Variants in TRABD2B observed in about 807,000 individuals in gnomAD.
TRABD2B encodes the protein TraB domain containing 2B, also known as metalloprotease TIKI2.
In TRABD2B, 14 loss-of-function variants were observed where a neutral mutation model predicts 40.1. That is an observed-to-expected ratio of 0.35 (90% CI 0.23 to 0.55). The LOEUF is 0.55. TRABD2B is among the 20% of genes least tolerant of loss of function. TRABD2B has a pLI of 0.90. For synonymous variants in TRABD2B, 263 were observed against 277.0 expected, an observed-to-expected ratio of 0.95 and a Z score of 0.50; for missense variants, 541 against 648.6, an observed-to-expected ratio of 0.83 and a Z score of 1.80.
chr1:47,780,081 C>T (rs1031360570), intron 4 of TRABD2B, among the ~76,000 whole-genome samples: 7 of 152,160 alleles, frequency 4.6e-5, no homozygotes, highest in African/African-American at 1.4e-4. Context: ...GCTGACCATG[C>T]CCTGCCAGAG....
At chr1:47,766,939 G>A (rs891883518) in intron 6 of TRABD2B, among the ~76,000 whole-genome samples, 7 of 152,222 alleles carry the variant, frequency 4.6e-5, no homozygotes, top group Non-Finnish European at 7.3e-5. Flanking sequence ...CAGGGCAGGA[G>A]CCAACTGGAA....
intron 4 of TRABD2B, among the ~76,000 whole-genome samples, chr1:47,789,627 A>T (rs918232121): frequency 2.0e-5 from 3 of 152,104 alleles, no homozygotes; most frequent in African/African-American, 7.2e-5. Flanking sequence ...TCCTCTGTGG[A>T]TGACTTCACC....
chr1:47,829,784 C>G (rs1429338829), intron 2 of TRABD2B, among the ~76,000 whole-genome samples: 1 of 152,194 alleles, frequency 6.6e-6, no homozygotes, highest in African/African-American at 2.4e-5. Flanking sequence ...AAAAATATTA[C>G]CAACCACAAA....
Position 47,994,127 on chromosome 1 carries a change from G to A in TRABD2B, c.573C>T (p.Ala191=), listed in dbSNP as rs1646052690. 2.0e-6 allele frequency: 3 copies of A among 1,536,276 alleles called. No individual in the cohort carries two copies. The highest frequency in any genetic ancestry group is 1.4e-5 in the African/African-American group (1 of 73,182). ...RGVPVLDLYL[A]QQAEKMKKTT... is the part of the protein sequence containing the mutation. ...TCTTCTTCATCTTCTCAGCCTGCTG[G>A]GCCAGGTAGAGGTCGAGCACGGGCA... Residue 191 remains alanine (A), a synonymous_variant, in exon 2 of 7, where the codon GCC becomes GCT. Coordinates refer to ENST00000606738, the MANE Select transcript of TRABD2B (RefSeq NM_001194986.2). The surrounding 1 kb of genome is among the most constrained non-coding windows in gnomAD (Gnocchi z 6.7).
intron 2 of TRABD2B, among the ~76,000 whole-genome samples, chr1:47,965,711 C>T (rs887445660): frequency 2.6e-5 from 4 of 152,202 alleles, no homozygotes; most frequent in African/African-American, 9.6e-5. Context: ...TCCTTCATGA[C>T]ACCATGTGAT....
At chr1:47,905,191 T>C (rs536599269) in intron 2 of TRABD2B, among the ~76,000 whole-genome samples, 1 of 152,362 alleles carries the variant, frequency 6.6e-6, no homozygotes, top group Non-Finnish European at 1.5e-5. Flanking sequence ...AACACATGTA[T>C]AAGCATCTGG....
At chr1:47,965,327 G>A (rs1645587120) in intron 2 of TRABD2B, among the ~76,000 whole-genome samples, 1 of 150,592 alleles carries the variant, frequency 6.6e-6, no homozygotes, top group South Asian at 2.1e-4. Context: ...GCGACAGGGT[G>A]TCTGGCAAGG....
chr1:47,982,621 T>C (rs1174876854), intron 2 of TRABD2B, among the ~76,000 whole-genome samples: 1 of 152,188 alleles, frequency 6.6e-6, no homozygotes, highest in Non-Finnish European at 1.5e-5. Context: ...TTCAGGATTG[T>C]TTTAGAAATT....
chr1:47,810,145 T>TGTGA (rs1201532331), intron 2 of TRABD2B, among the ~76,000 whole-genome samples: 2 of 128,952 alleles, frequency 1.6e-5, no homozygotes, highest in East Asian at 2.4e-4. Context: ...AGGGTGTGTG[T>TGTGA]GTGTGTGTGC....
intron 2 of TRABD2B, among the ~76,000 whole-genome samples, chr1:47,836,357 G>A (rs1645318309): frequency 1.3e-5 from 2 of 152,214 alleles, no homozygotes; most frequent in Non-Finnish European, 2.9e-5. Context: ...GTGGACTGTG[G>A]GAGGCCACCC....
intron 2 of TRABD2B, among the ~76,000 whole-genome samples, chr1:47,900,326 G>A (rs1288331486): frequency 6.6e-6 from 1 of 152,182 alleles, no homozygotes; most frequent in South Asian, 2.1e-4. Flanking sequence ...CACGACTTCA[G>A]GAGAGAGTGC....
intron 2 of TRABD2B, among the ~76,000 whole-genome samples, chr1:47,866,309 G>A (rs1012733646): frequency 2.6e-5 from 4 of 152,128 alleles, no homozygotes; most frequent in African/African-American, 9.7e-5. Context: ...TTCAGGGCTG[G>A]CTAAGACAGT....
chr1:47,900,228 G>A (rs1439039812), intron 2 of TRABD2B, among the ~76,000 whole-genome samples: 1 of 152,072 alleles, frequency 6.6e-6, no homozygotes, highest in Non-Finnish European at 1.5e-5. Context: ...TGGAAGATTG[G>A]GCTGGAGAGG....
rs114103142 is a variant in TRABD2B, at chr1:47,773,275, G to T, written c.1349+1895C>A. 3.8e-3 allele frequency among the ~76,000 whole-genome samples: 578 copies of T among 152,192 alleles called. 4 individuals are homozygous for T. The highest frequency in any genetic ancestry group is 0.013 in the African/African-American group (548 of 41,426). On this transcript the variant is annotated intron_variant, in intron 6 of 6. Coordinates refer to ENST00000606738, the MANE Select transcript of TRABD2B (RefSeq NM_001194986.2). ...CTTGCAAACCCTCCCTGCCACTGACGAAAGTGGCTCTCAGTAACTCTATGC... is the reference window on the plus strand; with the variant it reads ...CTTGCAAACCCTCCCTGCCACTGACTAAAGTGGCTCTCAGTAACTCTATGC...
rs547973724 is a variant in TRABD2B at position 47,777,433 on chromosome 1, G to A, written c.1079+1021C>T. Among the ~76,000 whole-genome samples, 12 of 152,272 alleles carry A rather than the reference G, an allele frequency of 7.9e-5. No homozygotes were observed. The South Asian group carries it at 1.2e-3, about 16-fold the overall frequency. On this transcript the variant is annotated intron_variant, in intron 5 of 6. Transcript: ENST00000606738. ...TGAAGTCCCAATGTGAGGGTTTATC[G>A]AGACCTCAGTTCACCCTCAGAGCTG...
At chr1:47,982,991 C>G (rs1468460629) in intron 2 of TRABD2B, among the ~76,000 whole-genome samples, 1 of 152,130 alleles carries the variant, frequency 6.6e-6, no homozygotes, top group Non-Finnish European at 1.5e-5. Context: ...CTGTCTATAC[C>G]CAGAGGACTA....
chr1:47,890,235 G>C (rs1254514723), intron 2 of TRABD2B, among the ~76,000 whole-genome samples: 1 of 152,230 alleles, frequency 6.6e-6, no homozygotes, highest in African/African-American at 2.4e-5. Context: ...ACAGACTTGG[G>C]TAACAGGATC....
At chr1:47,843,177 G>C (rs777255600) in intron 2 of TRABD2B, among the ~76,000 whole-genome samples, 1 of 152,162 alleles carries the variant, frequency 6.6e-6, no homozygotes, top group Non-Finnish European at 1.5e-5. Flanking sequence ...CTTTTCCTTA[G>C]AGCAAGGAGG....
At chr1:47,828,368 G>T (rs1332280162) in intron 2 of TRABD2B, among the ~76,000 whole-genome samples, 1 of 152,120 alleles carries the variant, frequency 6.6e-6, no homozygotes, top group East Asian at 1.9e-4. Flanking sequence ...TGGGTGAGGG[G>T]GACAGTATAG....
Sources: allele counts gnomAD v4.1 joint callset (sites outside exome capture counted in the v4.1 genomes callset), GRCh38; gene constraint gnomAD v4.1.1; non-coding constraint Gnocchi (gnomAD v3.1); transcripts MANE v1.5; gene names NCBI Gene and HGNC (gene_info 2026-07-23, HGNC 2026-07-21).